Variants in KSR2 observed in about 807,000 individuals in gnomAD.
KSR2 encodes kinase suppressor of ras 2.
Under a neutral mutation model 107.8 loss-of-function variants are expected in KSR2, and 25 were observed. That is an observed-to-expected ratio of 0.23 (90% CI 0.17 to 0.32). The LOEUF (loss-of-function observed/expected upper bound fraction) is 0.32, where lower values mean the gene tolerates loss of function less well. KSR2 is among the 10% of genes least tolerant of loss of function. KSR2 has a pLI of 1.00. For missense variants in KSR2, 887 were observed against 1,268.9 expected (o/e 0.70, Z 4.57); for synonymous variants, 480 against 507.0 (o/e 0.95, Z 0.71).
chr12:117,919,132 C>T (rs1036110804), intron 1 of KSR2, among the ~76,000 whole-genome samples: 11 of 152,182 alleles, frequency 7.2e-5, no homozygotes, highest in African/African-American at 2.4e-4. Context: ...AGCAAAACCT[C>T]ATTTCAAAAT....
intron 3 of KSR2, among the ~76,000 whole-genome samples, chr12:117,815,696 C>A (rs1258977764): frequency 6.7e-6 from 1 of 150,086 alleles, no homozygotes; most frequent in Admixed American, 6.6e-5. Flanking sequence ...GTGTGGGGGG[C>A]GCAGACGCAG....
chr12:117,887,243 T>C (rs1244995399), intron 1 of KSR2, among the ~76,000 whole-genome samples: 1 of 151,946 alleles, frequency 6.6e-6, no homozygotes, highest in Non-Finnish European at 1.5e-5. Flanking sequence ...TTTCTTTTCT[T>C]CTTTTTCGGT....
At chr12:117,802,024 T>A (rs1890849927) in intron 3 of KSR2, among the ~76,000 whole-genome samples, 1 of 152,148 alleles carries the variant, frequency 6.6e-6, no homozygotes, top group African/African-American at 2.4e-5. Context: ...GACAATAAGA[T>A]TAGGGGCTTA....
At chr12:117,699,317 T>C (rs1248780973) in intron 4 of KSR2, among the ~76,000 whole-genome samples, 1 of 152,232 alleles carries the variant, frequency 6.6e-6, no homozygotes, top group Non-Finnish European at 1.5e-5. Flanking sequence ...TATCCATGCA[T>C]TATCTCATTT....
chr12:117,723,731 G>T (rs1478122333), intron 4 of KSR2, among the ~76,000 whole-genome samples: 1 of 152,028 alleles, frequency 6.6e-6, no homozygotes, highest in Non-Finnish European at 1.5e-5. Flanking sequence ...TACTGTCACT[G>T]GGGGAAAGTT....
intron 9 of KSR2, among the ~76,000 whole-genome samples, chr12:117,541,631 G>A (rs1039736628): frequency 3.3e-5 from 5 of 152,060 alleles, no homozygotes; most frequent in Non-Finnish European, 7.4e-5. Context: ...CATATGGACC[G>A]GGTACCCAAA....
chr12:117,782,070 C>G (rs917067766), intron 3 of KSR2, among the ~76,000 whole-genome samples: 1 of 152,128 alleles, frequency 6.6e-6, no homozygotes, highest in African/African-American at 2.4e-5. Flanking sequence ...GTAGCAAATT[C>G]GAATTGTTCT....
chr12:117,808,209 G>A (rs11068681), intron 3 of KSR2, among the ~76,000 whole-genome samples: 2,990 of 152,262 alleles, frequency 0.02, 82 homozygotes, highest in African/African-American at 0.063. Context: ...TAGATGTCAT[G>A]TATGGCCCTG....
In KSR2 at chr12:117,967,163, C is replaced by G. The variant is rs565197357; in HGVS notation, c.180+913G>C. Among the ~76,000 whole-genome samples, 27 of 151,848 alleles carry G rather than the reference C, an allele frequency of 1.8e-4. No homozygotes were observed. In the South Asian group the frequency reaches 3.1e-3, roughly 18 times the overall value. On this transcript the variant is annotated intron_variant, in intron 1 of 19. Transcript: ENST00000339824. ...AAACCTTCCTCCTTTGACCAAATGG[C>G]CTTCAGAAAAAAATAATTTCTGCCA... is the stretch of plus-strand genomic sequence containing the variant.
chr12:117,836,246 C>G (rs956616826), intron 3 of KSR2, among the ~76,000 whole-genome samples: 1 of 152,104 alleles, frequency 6.6e-6, no homozygotes, highest in Non-Finnish European at 1.5e-5. Context: ...CCTCAACTGT[C>G]GGTACCCATC....
At chr12:117,889,017 T>C (rs1342815060) in intron 1 of KSR2, among the ~76,000 whole-genome samples, 4 of 152,180 alleles carry the variant, frequency 2.6e-5, no homozygotes, top group African/African-American at 7.2e-5. Context: ...TAAAAATGAA[T>C]GCTCCCACAG....
At chr12:117,637,311 G>A (rs898974578) in intron 5 of KSR2, among the ~76,000 whole-genome samples, 4 of 152,208 alleles carry the variant, frequency 2.6e-5, no homozygotes, top group Admixed American at 2.0e-4. Flanking sequence ...ACAATGTCTG[G>A]AGACATTTTG....
intron 3 of KSR2, among the ~76,000 whole-genome samples, chr12:117,799,904 A>G (rs1890767314): frequency 6.6e-6 from 1 of 152,204 alleles, no homozygotes; most frequent in Admixed American, 6.5e-5. Flanking sequence ...TTGAGTGTAA[A>G]AAAGGCAGAA....
At chr12:117,833,398 C>T (rs942830535) in intron 3 of KSR2, among the ~76,000 whole-genome samples, 3 of 151,928 alleles carry the variant, frequency 2.0e-5, no homozygotes, top group African/African-American at 2.4e-5. Context: ...GGTCCTGCTC[C>T]GCCACCCAGG....
chr12:117,855,331 T>C (rs1455587574), intron 3 of KSR2, 97 bp downstream of exon 3: 1 of 1,526,716 alleles, frequency 6.6e-7, no homozygotes, highest in African/African-American at 1.4e-5. Flanking sequence ...TGACTCTGTC[T>C]CGTCCTGGCC....
chr12:117,493,157 C>T (rs1872836610), intron 14 of KSR2, among the ~76,000 whole-genome samples: 1 of 152,132 alleles, frequency 6.6e-6, no homozygotes. Flanking sequence ...TCACCAGCTG[C>T]TCATATTATC....
intron 14 of KSR2, among the ~76,000 whole-genome samples, chr12:117,516,433 C>T (rs896079632): frequency 6.6e-6 from 1 of 152,144 alleles, no homozygotes; most frequent in Non-Finnish European, 1.5e-5. Context: ...ATAATAAACA[C>T]AAAACACTTG....
chr12:117,694,745 A>C (rs1488493096), intron 4 of KSR2, among the ~76,000 whole-genome samples: 1 of 152,234 alleles, frequency 6.6e-6, no homozygotes, highest in Non-Finnish European at 1.5e-5. Flanking sequence ...AGCCTTAGAC[A>C]AAAAAGGAAA....
At chr12:117,958,112 C>T (rs193030427) in intron 1 of KSR2, among the ~76,000 whole-genome samples, 22 of 152,266 alleles carry the variant, frequency 1.4e-4, no homozygotes, top group Non-Finnish European at 2.4e-4. Context: ...GGATTACAGG[C>T]GTGAGCCACT....
Sources: gnomAD v4.1 joint callset for allele counts (sites outside exome capture counted in the v4.1 genomes callset) on GRCh38, gnomAD v4.1.1 for gene constraint, MANE v1.5 for transcripts, NCBI Gene and HGNC (gene_info 2026-07-23, HGNC 2026-07-21) for gene names.